Variants in BMP2K observed in about 807,000 individuals in gnomAD.
BMP2K encodes BMP2 inducible kinase.
BMP2K carries 74 observed loss-of-function variants against 116.0 expected under a neutral mutation model. The ratio of observed to expected loss-of-function variants is 0.64; its 90% confidence interval spans 0.53 to 0.77. BMP2K has a LOEUF of 0.77. Among genes scored for constraint, BMP2K ranks in the 30% least tolerant of loss-of-function variants. The pLI is 0.00. For missense variants in BMP2K, 1,365 were observed against 1,403.6 expected (o/e 0.97, Z 0.44); for synonymous variants, 486 against 502.5 (o/e 0.97, Z 0.44).
At chr4:78,866,770 C>G (rs1290857495) in intron 10 of BMP2K, among the ~76,000 whole-genome samples, 2 of 152,170 alleles carry the variant, frequency 1.3e-5, no homozygotes, top group African/African-American at 4.8e-5. Context: ...CCTGCCTCAG[C>G]CTTCCAAGTA....
chr4:78,869,267 C>T (rs1484787375), intron 10 of BMP2K, among the ~76,000 whole-genome samples: 1 of 151,906 alleles, frequency 6.6e-6, no homozygotes, highest in Non-Finnish European at 1.5e-5. Context: ...AGCCTGAGCT[C>T]TACGTTGGCC....
intron 15 of BMP2K, among the ~76,000 whole-genome samples, chr4:78,909,524 T>C (rs558857980): frequency 2.6e-4 from 39 of 152,292 alleles, no homozygotes; most frequent in Admixed American, 2.4e-3. Flanking sequence ...CCTCATGTTG[T>C]ACCTGATCCT....
intron 15 of BMP2K, among the ~76,000 whole-genome samples, chr4:78,906,979 TATAA>T (rs1429977542): frequency 3.3e-5 from 5 of 152,246 alleles, no homozygotes; most frequent in African/African-American, 1.2e-4. Flanking sequence ...AATCATAGTA[TATAA>T]ATAAAGTGAA....
rs1731546555 is a variant in BMP2K, at chr4:78,857,196, T to C, written c.884-2388T>C. Among the ~76,000 whole-genome samples, 4 of 152,286 alleles carry C rather than the reference T, an allele frequency of 2.6e-5. 1 individual carries two copies. The South Asian group carries it at 8.3e-4, about 32-fold the overall frequency. On this transcript the variant is annotated intron_variant, in intron 7 of 15. Coordinates refer to ENST00000502613, the MANE Select transcript of BMP2K (RefSeq NM_198892.2). ...TAATGTACTGTAATATTTTCTGTTCTTCTTTATTAAAATAAATAGTAGTTC... is the reference window on the plus strand; with the variant it reads ...TAATGTACTGTAATATTTTCTGTTCCTCTTTATTAAAATAAATAGTAGTTC...
chr4:78,912,197 C>T lies in BMP2K; in HGVS notation c.*164C>T, dbSNP rs947187326. 8 of 665,458 alleles carry T rather than the reference C, an allele frequency of 1.2e-5. No individual in the cohort carries two copies. Among genetic ancestry groups the T allele is most frequent in the Admixed American group, 9.3e-5 (3 of 32,404 alleles). The allele number at this position is 665,458 out of a possible 1,614,324, so 41.2% of individuals were successfully genotyped here. On this transcript the variant is annotated 3_prime_UTR_variant, in exon 16 of 16. Coordinates refer to ENST00000502613, the MANE Select transcript of BMP2K (RefSeq NM_198892.2). ...CAAATAGAAGAATGAAGTATCTCTA[C>T]AGGGTAGTAACTTGATTCCTCTTCA...
chr4:78,870,523 GT>G, intron 10 of BMP2K, among the ~76,000 whole-genome samples: 1 of 152,306 alleles, frequency 6.6e-6, no homozygotes, highest in East Asian at 1.9e-4. Flanking sequence ...TGGATGTTGT[GT>G]TCATGGAGAG....
intron 15 of BMP2K, among the ~76,000 whole-genome samples, chr4:78,904,323 T>A (rs1426137): frequency 0.069 from 10,499 of 151,908 alleles, 511 homozygotes; most frequent in East Asian, 0.22. Context: ...AGATAAGAGG[T>A]AATATATGAA....
intron 15 of BMP2K, among the ~76,000 whole-genome samples, chr4:78,908,876 G>T (rs765949068): frequency 1.3e-5 from 2 of 151,664 alleles, no homozygotes; most frequent in African/African-American, 4.8e-5. Context: ...TTTCTATCAC[G>T]CCACTCATTC....
intron 3 of BMP2K, among the ~76,000 whole-genome samples, chr4:78,835,258 A>G (rs1189035155): frequency 6.6e-6 from 1 of 152,154 alleles, no homozygotes; most frequent in African/African-American, 2.4e-5. Context: ...GTTATCCGGT[A>G]TTCAAATCAT....
intron 1 of BMP2K, among the ~76,000 whole-genome samples, chr4:78,790,036 A>G (rs907885639): frequency 6.6e-6 from 1 of 152,208 alleles, no homozygotes; most frequent in Non-Finnish European, 1.5e-5. Flanking sequence ...ATTCCTGTTT[A>G]TTAGATGACA....
intron 3 of BMP2K, among the ~76,000 whole-genome samples, chr4:78,841,462 A>C (rs1181683619): frequency 6.6e-6 from 1 of 152,188 alleles, no homozygotes; most frequent in South Asian, 2.1e-4. Context: ...TTAATGGTAT[A>C]TGTGTGGCAA....
chr4:78,825,773 G>GTA (rs1052834563), intron 1 of BMP2K, among the ~76,000 whole-genome samples: 2 of 152,154 alleles, frequency 1.3e-5, no homozygotes, highest in African/African-American at 4.8e-5. Flanking sequence ...CTACATAAAA[G>GTA]GTATTCTAGT....
intron 1 of BMP2K, among the ~76,000 whole-genome samples, chr4:78,814,746 AGACT>A (rs1322925302): frequency 2.0e-5 from 3 of 152,128 alleles, no homozygotes; most frequent in Admixed American, 1.3e-4. Context: ...GTGTGAGAAC[AGACT>A]AATACACTTG....
At chr4:78,792,030 C>T (rs1410305924) in intron 1 of BMP2K, among the ~76,000 whole-genome samples, 1 of 152,142 alleles carries the variant, frequency 6.6e-6, no homozygotes, top group Non-Finnish European at 1.5e-5. Flanking sequence ...CACTGTTGTT[C>T]ACAGTTCCTG....
chr4:78,871,204 A>G, intron 11 of BMP2K, 144 bp downstream of exon 11: 1 of 1,419,782 alleles, frequency 7.0e-7, no homozygotes, highest in African/African-American at 1.4e-5. Context: ...TTATGAAAGA[A>G]TACGTATTTA....
At chr4:78,860,907 G>A (rs964948165) in intron 8 of BMP2K, among the ~76,000 whole-genome samples, 3 of 150,376 alleles carry the variant, frequency 2.0e-5, no homozygotes, top group Non-Finnish European at 4.4e-5. Context: ...TATTTATTGA[G>A]TACCTACAAA....
rs750331697 is a variant in BMP2K at position 78,878,721 on chromosome 4, A to G, written c.1794-13A>G. On this transcript the variant is annotated splice_polypyrimidine_tract_variant and intron_variant, in intron 13 of 15. Transcript: ENST00000502613. ...TTTCCATCTTCTTTTTTCTTACTCAATTATTACTATAGGTCAGTTGCTGAT... is the reference window on the plus strand; with the variant it reads ...TTTCCATCTTCTTTTTTCTTACTCAGTTATTACTATAGGTCAGTTGCTGAT... The G allele has an allele frequency of 5.7e-6, 9 of 1,571,702 alleles. No homozygotes were observed. Among genetic ancestry groups the G allele is most frequent in the Admixed American group, 2.0e-5 (1 of 49,780 alleles).
chr4:78,838,194 C>T (rs537953734), intron 3 of BMP2K, among the ~76,000 whole-genome samples: 15 of 152,256 alleles, frequency 9.9e-5, no homozygotes, highest in African/African-American at 2.6e-4. Flanking sequence ...TTAAAACCAT[C>T]GGATGTCGTG....
intron 11 of BMP2K, among the ~76,000 whole-genome samples, chr4:78,871,546 G>A (rs1432098440): frequency 2.0e-5 from 3 of 152,164 alleles, no homozygotes; most frequent in Non-Finnish European, 2.9e-5. Flanking sequence ...ATGGGGCTTG[G>A]TTAGAAGTCA....
Sources: allele counts gnomAD v4.1 joint callset (sites outside exome capture counted in the v4.1 genomes callset), GRCh38; gene constraint gnomAD v4.1.1; transcripts MANE v1.5; gene names NCBI Gene and HGNC (gene_info 2026-07-23, HGNC 2026-07-21).